Variants in TTC23 observed in about 807,000 individuals in gnomAD.
The protein encoded by TTC23 is tetratricopeptide repeat protein 23.
Under a neutral mutation model 55.1 loss-of-function variants are expected in TTC23, and 58 were observed. The observed-to-expected ratio is 1.05, with a 90% CI of 0.85 to 1.31. The LOEUF is 1.31. TTC23 is among the 50% of genes most tolerant of loss of function. The pLI, the probability that TTC23 is intolerant of heterozygous loss-of-function variation, is 0.00. For missense variants in TTC23, 516 were observed against 534.4 expected, an observed-to-expected ratio of 0.97 and a Z score of 0.34; for synonymous variants, 203 against 199.9, an observed-to-expected ratio of 1.02 and a Z score of -0.13.
chr15:99,219,283 T>C (rs150129604), intron 6 of TTC23, among the ~76,000 whole-genome samples: 1 of 152,248 alleles, frequency 6.6e-6, no homozygotes, highest in East Asian at 1.9e-4. Flanking sequence ...ATAAACAAAA[T>C]GAGCTGGAAT....
At chr15:99,229,840 G>T (rs2078788168) in intron 4 of TTC23, among the ~76,000 whole-genome samples, 1 of 152,226 alleles carries the variant, frequency 6.6e-6, no homozygotes, top group South Asian at 2.1e-4. Context: ...TTTCATCTCA[G>T]TAGAGGCGAT....
intron 12 of TTC23, among the ~76,000 whole-genome samples, chr15:99,153,576 A>G (rs1555497968): frequency 6.6e-6 from 1 of 152,238 alleles, no homozygotes; most frequent in Non-Finnish European, 1.5e-5. Context: ...TTTGAAACTA[A>G]TTAATGTAAT....
chr15:99,142,105 G>A (rs1217951943), intron 12 of TTC23, among the ~76,000 whole-genome samples: 1 of 152,090 alleles, frequency 6.6e-6, no homozygotes, highest in Admixed American at 6.6e-5. Flanking sequence ...AGAAATTTAG[G>A]AACTTTGACT....
At chr15:99,204,756 C>G (rs1279222125) in intron 8 of TTC23, among the ~76,000 whole-genome samples, 1 of 149,660 alleles carries the variant, frequency 6.7e-6, no homozygotes, top group South Asian at 2.1e-4. Flanking sequence ...CCACCTTAGG[C>G]CCCAGAGTAG....
chr15:99,237,965 T>A (rs1320160180), intron 3 of TTC23, among the ~76,000 whole-genome samples: 2 of 152,146 alleles, frequency 1.3e-5, no homozygotes, highest in African/African-American at 2.4e-5. Context: ...TTATTTATTT[T>A]TTATTATTAT....
At chr15:99,193,437 T>A (rs1281518928) in intron 9 of TTC23, among the ~76,000 whole-genome samples, 1 of 152,074 alleles carries the variant, frequency 6.6e-6, no homozygotes, top group Non-Finnish European at 1.5e-5. Context: ...TCTCATGAGA[T>A]CTAACAGGAT....
chr15:99,187,046 C>T (rs1458183101), intron 9 of TTC23, among the ~76,000 whole-genome samples: 1 of 152,014 alleles, frequency 6.6e-6, no homozygotes, highest in African/African-American at 2.4e-5. Context: ...GAGATTCACA[C>T]TGATTTCAAA....
chr15:99,186,910 A>T (rs1406322661), intron 9 of TTC23, among the ~76,000 whole-genome samples: 2 of 152,040 alleles, frequency 1.3e-5, no homozygotes, highest in African/African-American at 4.8e-5. Flanking sequence ...ATCCCTACCA[A>T]AATCCTGGTT....
intron 12 of TTC23, among the ~76,000 whole-genome samples, chr15:99,141,445 G>C (rs2068222531): frequency 6.6e-6 from 1 of 152,118 alleles, no homozygotes; most frequent in Admixed American, 6.6e-5. Flanking sequence ...GGATGGGGTA[G>C]GTATAGAGGG....
At chr15:99,173,086 T>C (rs1026292967) in intron 10 of TTC23, among the ~76,000 whole-genome samples, 2 of 152,218 alleles carry the variant, frequency 1.3e-5, no homozygotes, top group Non-Finnish European at 2.9e-5. Context: ...GATGGTCTTT[T>C]GGCCTTAGCC....
Position 99,137,920 on chromosome 15 carries a change from T to C in TTC23, c.*90A>G. 6.4e-7 allele frequency: 1 copy of C among 1,569,506 alleles called. No individual in the cohort carries two copies. The highest frequency in any genetic ancestry group is 1.2e-5 in the South Asian group (1 of 86,364). On this transcript the variant is annotated 3_prime_UTR_variant, in exon 14 of 14. Coordinates refer to ENST00000394132, the MANE Select transcript of TTC23 (RefSeq NM_001288615.3). ...GCCTTGGAAATCTGTATCCTGACTG[T>C]TGAATTCCATTTTCTAGGCGGAGGT...
At chr15:99,174,992 C>A (rs2073375283) in intron 10 of TTC23, 58 bp downstream of exon 10, 8 of 1,512,786 alleles carry the variant, frequency 5.3e-6, no homozygotes, top group Admixed American at 1.7e-5. Context: ...ATCTAGAAGG[C>A]AGCTCGTTTA....
chr15:99,212,984 C>CAA lies in TTC23; in HGVS notation c.581+5602_581+5603dup, dbSNP rs1219150354. 7.5e-3 allele frequency among the ~76,000 whole-genome samples: 534 copies of CAA among 71,522 alleles called. 10 individuals carry two copies. Among genetic ancestry groups the CAA allele is most frequent in the Non-Finnish European group, 9.9e-3 (383 of 38,758 alleles). 46.9% of individuals were successfully genotyped at this position (71,522 alleles called of 152,430 possible). A position where few individuals can be genotyped will look rare whatever the true frequency, so the allele number is the denominator to read the frequency against. ...AGAGCAACAGAGTAAGACCCTATCT[C>CAA]AAAAAAAAAAAAAAAAAAAAAAGGG... On this transcript the variant is annotated intron_variant, in intron 8 of 13. Transcript: ENST00000394132.
intron 9 of TTC23, 105 bp from the exon 10 acceptor site, chr15:99,175,260 C>A (rs898161587): frequency 3.5e-6 from 3 of 866,120 alleles, no homozygotes; most frequent in Non-Finnish European, 3.6e-6. Context: ...AACTTTCCAG[C>A]AAGCTAGAAG....
chr15:99,201,318 C>T (rs975147349), intron 8 of TTC23, among the ~76,000 whole-genome samples: 2 of 152,144 alleles, frequency 1.3e-5, no homozygotes, highest in African/African-American at 4.8e-5. Context: ...TCTTCTCCAG[C>T]ATATTTGTTA....
chr15:99,171,700 C>T (rs545891338), intron 10 of TTC23, among the ~76,000 whole-genome samples: 1 of 151,254 alleles, frequency 6.6e-6, no homozygotes, highest in South Asian at 2.1e-4. Context: ...GTAGCTGGGA[C>T]TACAGGTGCG....
At chr15:99,148,052 T>C (rs191696964) in intron 12 of TTC23, among the ~76,000 whole-genome samples, 1 of 152,160 alleles carries the variant, frequency 6.6e-6, no homozygotes, top group Non-Finnish European at 1.5e-5. Context: ...TTCTCCAGTC[T>C]TGACTTATGA....
chr15:99,176,061 T>C (rs2151934139), intron 9 of TTC23, among the ~76,000 whole-genome samples: 1 of 152,264 alleles, frequency 6.6e-6, no homozygotes, highest in East Asian at 1.9e-4. Flanking sequence ...AATAGTCCTT[T>C]CAAATAACAT....
intron 4 of TTC23, 21 bp downstream of exon 4, chr15:99,234,967 G>A (rs1335321170): frequency 6.6e-6 from 1 of 151,848 alleles, no homozygotes; most frequent in Non-Finnish European, 1.5e-5. Flanking sequence ...GTAAAATAAG[G>A]CCAAGCATGG....
Sources: allele counts gnomAD v4.1 joint callset (sites outside exome capture counted in the v4.1 genomes callset), GRCh38; gene constraint gnomAD v4.1.1; transcripts MANE v1.5; gene names NCBI Gene and HGNC (gene_info 2026-07-23, HGNC 2026-07-21).